Variants in TMEM163 observed in about 807,000 individuals in gnomAD.
TMEM163 encodes transmembrane protein 163.
In TMEM163, 17 loss-of-function variants were observed where a neutral mutation model predicts 29.3. The observed-to-expected ratio is 0.58, with a 90% CI of 0.40 to 0.87. The LOEUF (loss-of-function observed/expected upper bound fraction) is 0.87. Ranked by LOEUF, TMEM163 falls within the 40% of genes least tolerant of loss-of-function variation. The probability of loss-of-function intolerance (pLI) is 0.00; values close to 1 mark genes in which losing one functional copy is unlikely to be tolerated. For missense variants in TMEM163, 303 were observed against 381.5 expected, an observed-to-expected ratio of 0.79 and a Z score of 1.71; for synonymous variants, 157 against 160.6, an observed-to-expected ratio of 0.98 and a Z score of 0.17.
At chr2:134,630,400 C>A (rs1483455248) in intron 2 of TMEM163, among the ~76,000 whole-genome samples, 1 of 151,924 alleles carries the variant, frequency 6.6e-6, no homozygotes, top group Non-Finnish European at 1.5e-5. Flanking sequence ...TTATTTCCAG[C>A]GTTTTCAAAT....
chr2:134,587,372 T>C (rs6723917), intron 2 of TMEM163, among the ~76,000 whole-genome samples: 5,769 of 152,128 alleles, frequency 0.038, 165 homozygotes, highest in Admixed American at 0.086. Flanking sequence ...AAATACGCCA[T>C]TGCACTCCAG....
chr2:134,680,001 T>C (rs1300402243), intron 2 of TMEM163, among the ~76,000 whole-genome samples: 1 of 151,952 alleles, frequency 6.6e-6, no homozygotes. Context: ...CCAACAAAAA[T>C]ACCAAGGAAT....
At chr2:134,591,164 A>G (rs1465865062) in intron 2 of TMEM163, among the ~76,000 whole-genome samples, 1 of 152,166 alleles carries the variant, frequency 6.6e-6, no homozygotes, top group Non-Finnish European at 1.5e-5. Context: ...TCAACTGTAA[A>G]AGTGACAACC....
intron 2 of TMEM163, among the ~76,000 whole-genome samples, chr2:134,669,871 C>T (rs1349805449): frequency 6.6e-6 from 1 of 152,124 alleles, no homozygotes; most frequent in Non-Finnish European, 1.5e-5. Flanking sequence ...CAAACAGCCC[C>T]ATCTGTTCCA....
rs1574320166 is a variant in TMEM163, at chr2:134,661,936, T to TC, written c.322+51263_322+51264insG. On this transcript the variant is annotated intron_variant, in intron 2 of 7. Transcript: ENST00000281924. ...GATTCATTAATTTTCTTTCTTTTTT[T>TC]TTTTTTTTTTTTTGAGATGGAGTCT... Among the ~76,000 whole-genome samples, 5 of 141,182 alleles carry TC rather than the reference T, an allele frequency of 3.5e-5. No homozygotes were observed. In the East Asian group the frequency reaches 9.8e-4, roughly 28 times the overall value. 92.6% of individuals were successfully genotyped at this position (141,182 alleles called of 152,430 possible). A position where few individuals can be genotyped will look rare whatever the true frequency, so the allele number is the denominator to read the frequency against.
chr2:134,686,012 C>T (rs931557682), intron 2 of TMEM163, among the ~76,000 whole-genome samples: 19 of 152,208 alleles, frequency 1.2e-4, no homozygotes, highest in Middle Eastern at 3.2e-3. Flanking sequence ...AGCCATATAC[C>T]TGTCTGTCCT....
At chr2:134,546,943 G>T (rs1474889095) in intron 4 of TMEM163, among the ~76,000 whole-genome samples, 1 of 152,146 alleles carries the variant, frequency 6.6e-6, no homozygotes, top group Non-Finnish European at 1.5e-5. Context: ...TCACAAAAAA[G>T]ACAAATACTG....
rs57488299 is a variant in TMEM163 at position 134,632,909 on chromosome 2, AT to A, written c.322+80290del. ...AGGCACCCGCCACCACACCCAGCTA[AT>A]TTTTTTTTTTTTTTTTTTTTTGTAT... is the stretch of plus-strand genomic sequence containing the variant. On this transcript the variant is annotated intron_variant, in intron 2 of 7. Transcript: ENST00000281924. Among the ~76,000 whole-genome samples the A allele has an allele frequency of 9.4e-3, 1,120 of 118,610 alleles. 8 individuals carry two copies. Among genetic ancestry groups the A allele is most frequent in the African/African-American group, 0.022 (680 of 30,650 alleles). 77.8% of individuals were successfully genotyped at this position (118,610 alleles called of 152,430 possible).
chr2:134,525,401 TG>T (rs1680272684), intron 4 of TMEM163, among the ~76,000 whole-genome samples: 1 of 152,212 alleles, frequency 6.6e-6, no homozygotes, highest in Non-Finnish European at 1.5e-5. Flanking sequence ...TTGGAATTTC[TG>T]ATCATTTGCA....
At position 134,456,478 on chromosome 2, in the gene TMEM163, C is replaced by G; in HGVS notation, c.*238G>C. The G allele has an allele frequency of 5.4e-6, 3 of 550,736 alleles. No individual in the cohort carries two copies. Among genetic ancestry groups the G allele is most frequent in the Non-Finnish European group, 3.3e-6 (1 of 305,414 alleles). 34.1% of individuals were successfully genotyped at this position (550,736 alleles called of 1,614,324 possible). ...CTCCAGAGACTAAAAAACGCCAGTCCCAGCTGGAGACGGGGAAGGAGGTCC... is the reference window on the plus strand; with the variant it reads ...CTCCAGAGACTAAAAAACGCCAGTCGCAGCTGGAGACGGGGAAGGAGGTCC... On this transcript the variant is annotated 3_prime_UTR_variant, in exon 8 of 8. Coordinates refer to ENST00000281924, the MANE Select transcript of TMEM163 (RefSeq NM_030923.5).
At chr2:134,503,731 A>G (rs1004290154) in intron 4 of TMEM163, among the ~76,000 whole-genome samples, 1 of 152,156 alleles carries the variant, frequency 6.6e-6, no homozygotes, top group East Asian at 1.9e-4. Flanking sequence ...CGGAGGCAGG[A>G]GCAGGTGTGC....
chr2:134,558,870 T>C (rs1344103634), intron 2 of TMEM163, among the ~76,000 whole-genome samples: 1 of 152,126 alleles, frequency 6.6e-6, no homozygotes, highest in East Asian at 1.9e-4. Flanking sequence ...TGACTGTAAG[T>C]TTCGTTAATA....
intron 5 of TMEM163, among the ~76,000 whole-genome samples, chr2:134,481,227 C>T (rs1202201063): frequency 2.6e-5 from 4 of 152,146 alleles, no homozygotes; most frequent in Non-Finnish European, 5.9e-5. Flanking sequence ...GGCCCTCCCC[C>T]GACAGGTTTA....
chr2:134,665,071 T>C (rs1336284052), intron 2 of TMEM163, among the ~76,000 whole-genome samples: 4 of 152,088 alleles, frequency 2.6e-5, no homozygotes, highest in African/African-American at 9.7e-5. Context: ...AAATTTGTGG[T>C]AATTTCTAAC....
intron 2 of TMEM163, among the ~76,000 whole-genome samples, chr2:134,636,196 C>A (rs922135044): frequency 1.3e-5 from 2 of 152,224 alleles, no homozygotes; most frequent in African/African-American, 4.8e-5. Flanking sequence ...CACCAGTGAT[C>A]AGAAGTCTGT....
intron 2 of TMEM163, among the ~76,000 whole-genome samples, chr2:134,694,749 T>C (rs1301302583): frequency 2.0e-5 from 3 of 152,194 alleles, no homozygotes; most frequent in Non-Finnish European, 4.4e-5. Context: ...TATACACACA[T>C]TATTCTTTAA....
chr2:134,529,474 C>A lies in TMEM163; in HGVS notation c.458+21096G>T, dbSNP rs1419655845. On this transcript the variant is annotated intron_variant, in intron 4 of 7. Transcript: ENST00000281924. Reference sequence around the variant, plus strand: ...TTAAATTGTCCAGTTTTTGGTCAGGCATGGTGGCTCACATCTGTAATTCAG... The same window carrying A: ...TTAAATTGTCCAGTTTTTGGTCAGGAATGGTGGCTCACATCTGTAATTCAG... 3.3e-5 allele frequency among the ~76,000 whole-genome samples: 5 copies of A among 151,914 alleles called. No homozygotes were observed. In the East Asian group the frequency reaches 9.7e-4, roughly 30 times the overall value.
intron 2 of TMEM163, among the ~76,000 whole-genome samples, chr2:134,639,587 G>C (rs190246433): frequency 1.8e-4 from 27 of 152,296 alleles, no homozygotes; most frequent in African/African-American, 6.5e-4. Flanking sequence ...CACTGACACA[G>C]GCTGTCGTCT....
intron 5 of TMEM163, among the ~76,000 whole-genome samples, chr2:134,483,674 A>G (rs1329856301): frequency 6.6e-6 from 1 of 152,228 alleles, no homozygotes; most frequent in African/African-American, 2.4e-5. Context: ...TCACCCAGCT[A>G]GTCAGAGATG....
Sources: allele counts gnomAD v4.1 joint callset (sites outside exome capture counted in the v4.1 genomes callset), GRCh38; gene constraint gnomAD v4.1.1; transcripts MANE v1.5; gene names NCBI Gene and HGNC (gene_info 2026-07-23, HGNC 2026-07-21).